The following CMTM4 variants were observed in gnomAD, a reference collection of about 807,000 sequenced individuals.
The protein encoded by CMTM4 is CKLF-like MARVEL transmembrane domain-containing protein 4.
Under a neutral mutation model 19.0 loss-of-function variants are expected in CMTM4, and 8 were observed. The ratio of observed to expected loss-of-function variants is 0.42; its 90% CI spans 0.25 to 0.76. The LOEUF (loss-of-function observed/expected upper bound fraction) is 0.76. Ranked by LOEUF, CMTM4 falls within the 30% of genes least tolerant of loss-of-function variation. The pLI is 0.27. For missense variants in CMTM4, 228 were observed against 290.2 expected (o/e 0.79, Z 1.56); for synonymous variants, 106 against 121.1 (o/e 0.88, Z 0.82).
rs1020689229 is a variant in CMTM4 at position 66,620,938 on chromosome 16, T to C, written c.*1120A>G. On this transcript the variant is annotated 3_prime_UTR_variant, in exon 4 of 4. Coordinates refer to ENST00000394106, the MANE Select transcript of CMTM4 (RefSeq NM_181521.3). ...TCAGAAACCTTAAGTAGCTAGGATT[T>C]TTCCCCCCAACAACTCCCAAGAATG... 4 of 985,708 alleles carry C rather than the reference T, an allele frequency of 4.1e-6. No homozygotes were observed. Among genetic ancestry groups the C allele is most frequent in the African/African-American group, 3.5e-5 (2 of 57,230 alleles). The allele number at this position is 985,708 out of a possible 1,614,324, so 61.1% of individuals were successfully genotyped here.
intron 1 of CMTM4, among the ~76,000 whole-genome samples, chr16:66,686,462 T>C (rs898785686): frequency 2.0e-5 from 3 of 149,272 alleles, no homozygotes; most frequent in Non-Finnish European, 4.4e-5. Flanking sequence ...GGCAGGAGAA[T>C]TGCTTGAACC....
At chr16:66,695,808 G>T (rs2017222106) in intron 1 of CMTM4, among the ~76,000 whole-genome samples, 1 of 152,028 alleles carries the variant, frequency 6.6e-6, no homozygotes, top group South Asian at 2.1e-4. Flanking sequence ...GGCATATCTG[G>T]GCTCCTCCAC....
intron 1 of CMTM4, among the ~76,000 whole-genome samples, chr16:66,680,478 C>CAAA (rs1333416836): frequency 1.0e-5 from 1 of 96,816 alleles, no homozygotes; most frequent in Non-Finnish European, 2.1e-5. Context: ...GACTCCATCT[C>CAAA]AAAAAAAAAA....
chr16:66,688,073 T>C (rs1418877553), intron 1 of CMTM4, among the ~76,000 whole-genome samples: 3 of 152,284 alleles, frequency 2.0e-5, no homozygotes, highest in East Asian at 3.9e-4. Flanking sequence ...AGATTCAGTA[T>C]CTGAGTGAGG....
chr16:66,633,118 A>AAATATATAAATAT (rs1567408480), intron 2 of CMTM4, among the ~76,000 whole-genome samples: 22 of 76,198 alleles, frequency 2.9e-4, no homozygotes, highest in Non-Finnish European at 6.3e-4. Context: ...TATATATATA[A>AAATATATAAATAT]ATATATATAT....
intron 1 of CMTM4, among the ~76,000 whole-genome samples, chr16:66,660,249 G>A (rs890885574): frequency 6.6e-5 from 10 of 152,094 alleles, no homozygotes; most frequent in Middle Eastern, 3.4e-3. Context: ...TTAGCCAGGC[G>A]TGGTGGCACA....
the CMTM4 span, among the ~76,000 whole-genome samples, chr16:66,603,279 CTTTA>C: frequency 6.6e-6 from 1 of 151,882 alleles, no homozygotes; most frequent in Non-Finnish European, 1.5e-5. Context: ...TGGACGCAGT[CTTTA>C]TTTATTTTTT....
intron 2 of CMTM4, among the ~76,000 whole-genome samples, chr16:66,628,171 G>T (rs974981580): frequency 6.6e-6 from 1 of 152,220 alleles, no homozygotes; most frequent in Non-Finnish European, 1.5e-5. Flanking sequence ...TCCTATCTCA[G>T]AATTGAACAA....
intron 2 of CMTM4, among the ~76,000 whole-genome samples, chr16:66,636,086 T>C (rs921309024): frequency 6.6e-6 from 1 of 152,242 alleles, no homozygotes; most frequent in Non-Finnish European, 1.5e-5. Context: ...AGTATGTAAA[T>C]GTCTACACTG....
At chr16:66,607,095 A>G in the CMTM4 span, among the ~76,000 whole-genome samples, 1 of 152,206 alleles carries the variant, frequency 6.6e-6, no homozygotes, top group Non-Finnish European at 1.5e-5. Context: ...CTCATCTGTC[A>G]AGTGGGGCTG....
Position 66,618,197 on chromosome 16 carries a change from C to T in CMTM4, c.*3861G>A. 1.0e-6 allele frequency: 1 copy of T among 985,460 alleles called. No homozygotes were observed. The allele number at this position is 985,460 out of a possible 1,614,324, so 61.0% of individuals were successfully genotyped here. On this transcript the variant is annotated 3_prime_UTR_variant, in exon 4 of 4. Transcript: ENST00000394106. Reference sequence around the variant, plus strand: ...TGGCAGTCCCTGGAGCAGGAAGCAACTTGTTATTCTGCTCAAGAGAATCCA... The same window carrying T: ...TGGCAGTCCCTGGAGCAGGAAGCAATTTGTTATTCTGCTCAAGAGAATCCA...
intron 1 of CMTM4, among the ~76,000 whole-genome samples, chr16:66,683,286 C>CTTTTTTTTTTT (rs781263895): frequency 2.5e-5 from 2 of 78,840 alleles, no homozygotes; most frequent in Non-Finnish European, 4.8e-5. Context: ...TTTTTCTTTT[C>CTTTTTTTTTTT]TTTTTTTTTT....
chr16:66,618,241 G>C lies in CMTM4; in HGVS notation c.*3817C>G. ...GAATCCACCAGCAGCTCTTGGCCTA[G>C]AAACTTTTTCCCCTTTCTGATACCT... On this transcript the variant is annotated 3_prime_UTR_variant, in exon 4 of 4. Transcript: ENST00000394106. 1.0e-6 allele frequency: 1 copy of C among 985,442 alleles called. No homozygotes were observed. The highest frequency in any genetic ancestry group is 4.7e-5 in the South Asian group (1 of 21,288). 61.0% of individuals were successfully genotyped at this position (985,442 alleles called of 1,614,324 possible).
In CMTM4 at chr16:66,622,109, C is replaced by A; in HGVS notation, c.576G>T (p.Thr192=). The A allele has an allele frequency of 6.3e-7, 1 of 1,598,952 alleles. No homozygotes were observed. Among genetic ancestry groups the A allele is most frequent in the East Asian group, 2.2e-5 (1 of 44,504 alleles). ...GGCGACTGTCCACATCCCTGGACTCCGTGCGGGCTCGGATGTAGTCATTGG... is the reference window on the plus strand; with the variant it reads ...GGCGACTGTCCACATCCCTGGACTCAGTGCGGGCTCGGATGTAGTCATTGG... ...QSTNDYIRAR[T]ESRDVDSRPE... Residue 192 remains threonine (T), a synonymous_variant, in exon 4 of 4, where the codon ACG becomes ACT. Coordinates refer to ENST00000394106, the MANE Select transcript of CMTM4 (RefSeq NM_181521.3). The surrounding 1 kb of genome is among the most constrained non-coding windows in gnomAD (Gnocchi z 4.0).
In CMTM4 at chr16:66,621,445, T is replaced by C. The variant is rs915123586; in HGVS notation, c.*613A>G. 1 of 985,890 alleles carries C rather than the reference T, an allele frequency of 1.0e-6. No individual in the cohort carries two copies. 61.1% of individuals were successfully genotyped at this position (985,890 alleles called of 1,614,324 possible). ...GTGATTCATTTGAGGAAGAATCAAG[T>C]GATTTCTCAGCAGAGTAGGAAACAA... On this transcript the variant is annotated 3_prime_UTR_variant, in exon 4 of 4. Coordinates refer to ENST00000394106, the MANE Select transcript of CMTM4 (RefSeq NM_181521.3).
At chr16:66,624,094 TG>T (rs755825335) in intron 2 of CMTM4, among the ~76,000 whole-genome samples, 15 of 152,230 alleles carry the variant, frequency 9.9e-5, no homozygotes, top group Non-Finnish European at 2.1e-4. Context: ...AGCAGGGTAA[TG>T]AAAGGTCACA....
chr16:66,658,980 A>G (rs1008070904), intron 1 of CMTM4, among the ~76,000 whole-genome samples: 1 of 152,204 alleles, frequency 6.6e-6, no homozygotes, highest in Non-Finnish European at 1.5e-5. Flanking sequence ...TGAAGCCAGC[A>G]GACCTGAGAC....
At chr16:66,602,741 T>C in the CMTM4 span, among the ~76,000 whole-genome samples, 1 of 152,086 alleles carries the variant, frequency 6.6e-6, no homozygotes, top group African/African-American at 2.4e-5. Context: ...GAGATGGGTT[T>C]TCGCCATGTT....
Position 66,621,983 on chromosome 16 carries a change from T to C in CMTM4, c.*75A>G. Reference sequence around the variant, plus strand: ...AATTCAACTGAATCACATGGAAATCTGACAGGACAAGGGAAAGAAAACTTG... The same window carrying C: ...AATTCAACTGAATCACATGGAAATCCGACAGGACAAGGGAAAGAAAACTTG... On this transcript the variant is annotated 3_prime_UTR_variant, in exon 4 of 4. Transcript: ENST00000394106. 6.7e-7 allele frequency: 1 copy of C among 1,491,070 alleles called. No homozygotes were observed. The highest frequency in any genetic ancestry group is 1.3e-5 in the South Asian group (1 of 78,234). 92.4% of individuals were successfully genotyped at this position (1,491,070 alleles called of 1,614,324 possible). A position where few individuals can be genotyped will look rare whatever the true frequency, so the allele number is the denominator to read the frequency against.
Sources: gnomAD v4.1 joint callset for allele counts (sites outside exome capture counted in the v4.1 genomes callset) on GRCh38, gnomAD v4.1.1 for gene constraint, Gnocchi (gnomAD v3.1) non-coding constraint, MANE v1.5 for transcripts, NCBI Gene and HGNC (gene_info 2026-07-23, HGNC 2026-07-21) for gene names.